The following MRTFA variants were observed in gnomAD, a reference collection of about 807,000 sequenced individuals.
The protein encoded by MRTFA is myocardin-related transcription factor A.
A neutral mutation model predicts 83.5 loss-of-function variants in MRTFA; 20 were observed. That is an observed-to-expected ratio of 0.24 (90% CI 0.17 to 0.35). MRTFA has a LOEUF of 0.35. Among genes scored for constraint, MRTFA ranks in the 10% least tolerant of loss-of-function variants. The pLI is 1.00. For synonymous variants in MRTFA, 659 were observed against 541.2 expected, an observed-to-expected ratio of 1.22 and a Z score of -3.02; for missense variants, 1,200 against 1,224.7, an observed-to-expected ratio of 0.98 and a Z score of 0.30.
chr22:40,555,310 G>A (rs1435349784), intron 2 of MRTFA, among the ~76,000 whole-genome samples: 1 of 152,220 alleles, frequency 6.6e-6, no homozygotes, highest in Non-Finnish European at 1.5e-5. Context: ...AATCCCCAGT[G>A]TTGGAGGCAG....
Position 40,420,882 on chromosome 22 carries a change from G to GTGC in MRTFA, c.1143_1145dup (p.Gln381dup), listed in dbSNP as rs751939334. The stretch of plus-strand genomic sequence containing the variant: ...CAGGCAGGATGGCCTGGTAGTTGTG[G>GTGC]TGCTGCTGCTGCTGCTGGTTGAGGA... On this transcript the variant is annotated inframe_insertion, in exon 10 of 15. Transcript: ENST00000355630. The GTGC allele has an allele frequency of 2.5e-5, 41 of 1,613,686 alleles. No individual in the cohort carries two copies. The highest frequency in any genetic ancestry group is 4.5e-5 in the East Asian group (2 of 44,888).
chr22:40,557,999 C>T (rs2055553454), intron 2 of MRTFA, among the ~76,000 whole-genome samples: 1 of 152,090 alleles, frequency 6.6e-6, no homozygotes, highest in East Asian at 1.9e-4. Flanking sequence ...GTCTTAAACT[C>T]CTGGACTCAA....
intron 3 of MRTFA, among the ~76,000 whole-genome samples, chr22:40,528,029 A>AT (rs918312675): frequency 1.3e-5 from 2 of 152,306 alleles, no homozygotes; most frequent in African/African-American, 4.8e-5. Context: ...GGGCAGGAAG[A>AT]TGTAAGCCAG....
intron 1 of MRTFA, among the ~76,000 whole-genome samples, chr22:40,613,073 G>A (rs2056405278): frequency 6.6e-6 from 1 of 152,104 alleles, no homozygotes; most frequent in Non-Finnish European, 1.5e-5. Context: ...GCCTAGTGTA[G>A]AACTTCTTAT....
chr22:40,504,823 A>G (rs1038081211), intron 3 of MRTFA, among the ~76,000 whole-genome samples: 1 of 152,210 alleles, frequency 6.6e-6, no homozygotes, highest in Non-Finnish European at 1.5e-5. Flanking sequence ...AGTATCTTTG[A>G]GGAAACTCAG....
intron 1 of MRTFA, among the ~76,000 whole-genome samples, chr22:40,607,420 C>T (rs577603381): frequency 1.3e-5 from 2 of 151,028 alleles, no homozygotes; most frequent in African/African-American, 4.9e-5. Flanking sequence ...AGGAGAATGG[C>T]GTGAGCCTGA....
At chr22:40,607,408 G>T (rs1290682803) in intron 1 of MRTFA, among the ~76,000 whole-genome samples, 4 of 151,916 alleles carry the variant, frequency 2.6e-5, no homozygotes, top group African/African-American at 9.7e-5. Flanking sequence ...GGAGGCTGAG[G>T]CAGGAGAATG....
chr22:40,557,935 G>A (rs1035181228), intron 2 of MRTFA, among the ~76,000 whole-genome samples: 22 of 152,044 alleles, frequency 1.4e-4, no homozygotes, highest in Non-Finnish European at 2.8e-4. Flanking sequence ...CACCAGGCCC[G>A]GCTAATTTTT....
At position 40,538,985 on chromosome 22, in the gene MRTFA, C is replaced by CTTTTTT. The variant is rs201694198; in HGVS notation, c.241+13120_241+13121insAAAAAA. Among the ~76,000 whole-genome samples, 30 of 106,934 alleles carry CTTTTTT rather than the reference C, an allele frequency of 2.8e-4. 6 individuals carry two copies. The highest frequency in any genetic ancestry group is 3.4e-4 in the African/African-American group (9 of 26,304). The allele number at this position is 106,934 out of a possible 152,430, so 70.2% of individuals were successfully genotyped here. ...GACATTATACTGCAGGATACACAGC[C>CTTTTTT]TTTTGTTTTTTTTTTTTTTTTTTTT... On this transcript the variant is annotated intron_variant, in intron 3 of 14. Coordinates refer to ENST00000355630, the MANE Select transcript of MRTFA (RefSeq NM_020831.6).
chr22:40,507,528 G>T (rs898648523), intron 3 of MRTFA, among the ~76,000 whole-genome samples: 5 of 151,618 alleles, frequency 3.3e-5, no homozygotes, highest in South Asian at 2.1e-4. Flanking sequence ...AGGCTGAGGT[G>T]GGGGGATCAC....
At chr22:40,462,769 T>G (rs2053738744) in intron 4 of MRTFA, among the ~76,000 whole-genome samples, 1 of 152,168 alleles carries the variant, frequency 6.6e-6, no homozygotes, top group African/African-American at 2.4e-5. Flanking sequence ...AGGATCTCAC[T>G]CTACATAAAA....
At chr22:40,507,344 G>A (rs954166844) in intron 3 of MRTFA, among the ~76,000 whole-genome samples, 1 of 151,894 alleles carries the variant, frequency 6.6e-6, no homozygotes, top group Non-Finnish European at 1.5e-5. Context: ...CTGGGTGACA[G>A]AGTGAGACCC....
intron 5 of MRTFA, chr22:40,433,661 C>T (rs1356162876): frequency 1.3e-5 from 2 of 152,244 alleles, no homozygotes; most frequent in African/African-American, 2.4e-5. Context: ...TGAAACTTCT[C>T]TTGAATACGA....
intron 3 of MRTFA, among the ~76,000 whole-genome samples, chr22:40,502,604 G>C (rs1283335258): frequency 6.9e-6 from 1 of 145,708 alleles, no homozygotes; most frequent in African/African-American, 2.6e-5. Flanking sequence ...TCACATCCCA[G>C]ACGATGGGCG....
chr22:40,498,273 ATTTTTTTTTTTTTTT>A (rs1189933906), intron 3 of MRTFA, among the ~76,000 whole-genome samples: 1 of 40,982 alleles, frequency 2.4e-5, no homozygotes, highest in African/African-American at 1.1e-4. Context: ...ATATATATAT[ATTTTTTTTTTTTTTT>A]TTTTTTTTTT....
At position 40,410,541 on chromosome 22, in the gene MRTFA, G is replaced by T; in HGVS notation, c.*849C>A. On this transcript the variant is annotated 3_prime_UTR_variant, in exon 15 of 15. Transcript: ENST00000355630. ...AATGTGAGTGGGTGGAGAGCTCCTG[G>T]CAGGAAGGCCAGGTAGCACCTCTGC... is the stretch of plus-strand genomic sequence containing the variant. The T allele has an allele frequency of 4.3e-6, 1 of 233,374 alleles. No homozygotes were observed. Among genetic ancestry groups the T allele is most frequent in the Non-Finnish European group, 8.5e-6 (1 of 117,832 alleles). 14.5% of individuals were successfully genotyped at this position (233,374 alleles called of 1,614,324 possible). A position where few individuals can be genotyped will look rare whatever the true frequency, so the allele number is the denominator to read the frequency against.
chr22:40,582,281 T>G (rs533630558), intron 2 of MRTFA, among the ~76,000 whole-genome samples: 1 of 152,386 alleles, frequency 6.6e-6, no homozygotes, highest in Admixed American at 6.5e-5. Context: ...AATATTCAAC[T>G]GTATAGATAT....
At chr22:40,518,307 C>T (rs2147253508) in intron 3 of MRTFA, among the ~76,000 whole-genome samples, 1 of 152,124 alleles carries the variant, frequency 6.6e-6, no homozygotes, top group South Asian at 2.1e-4. Context: ...ATCTTGTGGG[C>T]CTGAGCCCTT....
chr22:40,569,848 G>T (rs1446123885), intron 2 of MRTFA: 3 of 153,050 alleles, frequency 2.0e-5, no homozygotes, highest in Non-Finnish European at 2.9e-5. Flanking sequence ...TATACCCTGG[G>T]CCTCAGCCTG....
Sources: gnomAD v4.1 joint callset for allele counts (sites outside exome capture counted in the v4.1 genomes callset) on GRCh38, gnomAD v4.1.1 for gene constraint, MANE v1.5 for transcripts, NCBI Gene and HGNC (gene_info 2026-07-23, HGNC 2026-07-21) for gene names.